The following KIF6 variants were observed in gnomAD, a reference collection of about 807,000 sequenced individuals.
KIF6 encodes the protein kinesin family member 6.
KIF6 carries 106 observed loss-of-function variants against 112.7 expected under a neutral mutation model. That is an observed-to-expected ratio of 0.94 (90% CI 0.80 to 1.11). The LOEUF (loss-of-function observed/expected upper bound fraction) is 1.11, where lower values mean the gene tolerates loss of function less well. KIF6 is among the 50% of genes least tolerant of loss of function. KIF6 has a pLI of 0.00. For missense variants in KIF6, 929 were observed against 964.0 expected (o/e 0.96, Z 0.48); for synonymous variants, 339 against 339.9 (o/e 1.00, Z 0.03).
chr6:39,422,169 A>G (rs1369028408), intron 14 of KIF6, among the ~76,000 whole-genome samples: 1 of 152,224 alleles, frequency 6.6e-6, no homozygotes, highest in Non-Finnish European at 1.5e-5. Flanking sequence ...TCAATGCTGG[A>G]GGAAACCAGA....
In KIF6 at chr6:39,473,036, G is replaced by A. The variant is rs138266516; in HGVS notation, c.1646-41875C>T. Among the ~76,000 whole-genome samples the A allele has an allele frequency of 5.1e-3, 777 of 152,120 alleles. 5 individuals carry two copies. The highest frequency in any genetic ancestry group is 0.017 in the African/African-American group (719 of 41,480). ...CAAGTAGTTGGGATTACAGGCATGC[G>A]CCACCATGCCCAGCTAATTTTGTAT... On this transcript the variant is annotated intron_variant, in intron 13 of 22. Coordinates refer to ENST00000287152, the MANE Select transcript of KIF6 (RefSeq NM_145027.6).
chr6:39,491,831 T>G (rs1775498085), intron 13 of KIF6, among the ~76,000 whole-genome samples: 1 of 152,100 alleles, frequency 6.6e-6, no homozygotes, highest in South Asian at 2.1e-4. Context: ...ATGTGAAAAA[T>G]AGAGACTGTA....
At chr6:39,434,592 AC>A (rs1430239318) in intron 13 of KIF6, among the ~76,000 whole-genome samples, 18 of 152,056 alleles carry the variant, frequency 1.2e-4, no homozygotes, top group South Asian at 8.3e-4. Context: ...AAACAAAAAA[AC>A]AAAACAAAAC....
intron 13 of KIF6, among the ~76,000 whole-genome samples, chr6:39,526,482 G>T (rs573825933): frequency 6.6e-6 from 1 of 152,076 alleles, no homozygotes; most frequent in African/African-American, 2.4e-5. Context: ...GCTCATAAAT[G>T]GTGACTTCAA....
chr6:39,594,841 TA>T (rs1782160351), intron 7 of KIF6, among the ~76,000 whole-genome samples: 1 of 150,772 alleles, frequency 6.6e-6, no homozygotes, highest in African/African-American at 2.5e-5. Flanking sequence ...TCTTATTTTT[TA>T]TTTTATTATT....
At position 39,676,679 on chromosome 6, in the gene KIF6, C is replaced by T. The variant is rs573533084; in HGVS notation, c.252-36922G>A. On this transcript the variant is annotated intron_variant, in intron 3 of 22. Transcript: ENST00000287152. Reference sequence around the variant, plus strand: ...TGAATCATATATATCAGATAAGTAGCGACATTAATTTTAGACTTTATAAAG... The same window carrying T: ...TGAATCATATATATCAGATAAGTAGTGACATTAATTTTAGACTTTATAAAG... 7.2e-5 allele frequency among the ~76,000 whole-genome samples: 11 copies of T among 151,756 alleles called. No homozygotes were observed. In the South Asian group the frequency reaches 1.2e-3, roughly 17 times the overall value.
At chr6:39,701,163 T>C (rs160032) in intron 3 of KIF6, among the ~76,000 whole-genome samples, 132,042 of 152,268 alleles carry the variant, frequency 0.87, 57,551 homozygotes, top group East Asian at 0.97. Flanking sequence ...ATTTACTGAT[T>C]AAGTTTGCTG....
chr6:39,445,683 G>A (rs1341471391), intron 13 of KIF6, among the ~76,000 whole-genome samples: 2 of 152,212 alleles, frequency 1.3e-5, no homozygotes, highest in Middle Eastern at 3.2e-3. Context: ...TGGTCAGATT[G>A]CAGAAGGATT....
At chr6:39,613,153 T>C (rs368193116) in intron 6 of KIF6, 36 bp downstream of exon 6, 9 of 1,511,380 alleles carry the variant, frequency 6.0e-6, no homozygotes, top group Middle Eastern at 1.8e-4. Context: ...TATCTTATAA[T>C]GTTGAAGAAA....
intron 13 of KIF6, among the ~76,000 whole-genome samples, chr6:39,466,724 CT>C (rs941329104): frequency 2.0e-5 from 3 of 152,160 alleles, no homozygotes; most frequent in Admixed American, 6.5e-5. Context: ...CTCATGACCC[CT>C]ATCTCTGTAT....
At chr6:39,612,110 A>G (rs1426072345) in intron 6 of KIF6, among the ~76,000 whole-genome samples, 1 of 152,006 alleles carries the variant, frequency 6.6e-6, no homozygotes, top group Non-Finnish European at 1.5e-5. Flanking sequence ...CAAAATAATA[A>G]CAGATATCAA....
chr6:39,348,368 G>A, intron 19 of KIF6, among the ~76,000 whole-genome samples: 1 of 152,134 alleles, frequency 6.6e-6, no homozygotes, highest in Non-Finnish European at 1.5e-5. Flanking sequence ...GCCAATAGGG[G>A]CATCTAGTAC....
At chr6:39,635,194 G>A (rs112151305) in intron 4 of KIF6, among the ~76,000 whole-genome samples, 10,507 of 151,534 alleles carry the variant, frequency 0.069, 412 homozygotes, top group Middle Eastern at 0.11. Flanking sequence ...TTTTTTATTG[G>A]TTCCACATTA....
chr6:39,377,953 C>T (rs1766584147), intron 16 of KIF6, among the ~76,000 whole-genome samples: 1 of 152,082 alleles, frequency 6.6e-6, no homozygotes, highest in Non-Finnish European at 1.5e-5. Context: ...GGGTAGTGCC[C>T]AAGAGGTAGT....
At chr6:39,553,963 A>G (rs183932088) in intron 10 of KIF6, 1 of 155,138 alleles carries the variant, frequency 6.4e-6, no homozygotes, top group South Asian at 1.8e-4. Flanking sequence ...CTGACATCCT[A>G]TCTGTGTGCC....
intron 16 of KIF6, among the ~76,000 whole-genome samples, chr6:39,368,488 A>T (rs1765735309): frequency 6.6e-6 from 1 of 152,196 alleles, no homozygotes; most frequent in Non-Finnish European, 1.5e-5. Context: ...CAGATTATTG[A>T]AGTCTGTATT....
intron 5 of KIF6, among the ~76,000 whole-genome samples, chr6:39,616,683 T>G (rs1783538436): frequency 6.6e-6 from 1 of 152,136 alleles, no homozygotes; most frequent in African/African-American, 2.4e-5. Context: ...CCACTGAAAA[T>G]CCTTTTTGCA....
chr6:39,538,114 C>T (rs1401122775), intron 13 of KIF6, among the ~76,000 whole-genome samples: 1 of 152,052 alleles, frequency 6.6e-6, no homozygotes, highest in Non-Finnish European at 1.5e-5. Flanking sequence ...CATAAAAACC[C>T]TAGAAGAAAA....
intron 3 of KIF6, among the ~76,000 whole-genome samples, chr6:39,712,332 A>G (rs1216907034): frequency 2.0e-5 from 3 of 152,170 alleles, no homozygotes; most frequent in Non-Finnish European, 2.9e-5. Flanking sequence ...AGGAAAAAAA[A>G]AAGAATACAA....
Sources: gnomAD v4.1 joint callset for allele counts (sites outside exome capture counted in the v4.1 genomes callset) on GRCh38, gnomAD v4.1.1 for gene constraint, MANE v1.5 for transcripts, NCBI Gene and HGNC (gene_info 2026-07-23, HGNC 2026-07-21) for gene names.